The following NOM1 variants were observed in gnomAD, a reference collection of about 807,000 sequenced individuals.
The protein encoded by NOM1 is nucleolar MIF4G domain-containing protein 1.
A neutral mutation model predicts 73.3 loss-of-function variants in NOM1; 58 were observed. The ratio of observed to expected loss-of-function variants is 0.79; its 90% CI spans 0.64 to 0.99. The LOEUF is 0.99. Ranked by LOEUF, NOM1 falls within the 50% of genes least tolerant of loss-of-function variation. The pLI, the probability that NOM1 is intolerant of heterozygous loss-of-function variation, is 0.00. For missense variants in NOM1, 1,226 were observed against 1,131.9 expected, an observed-to-expected ratio of 1.08 and a Z score of -1.19; for synonymous variants, 487 against 446.8, an observed-to-expected ratio of 1.09 and a Z score of -1.14.
intron 6 of NOM1, 165 bp from the exon 7 acceptor site, chr7:156,963,740 T>C (rs1282045664): frequency 3.1e-6 from 2 of 643,970 alleles, no homozygotes; most frequent in Non-Finnish European, 5.0e-6. Context: ...CTTCACTATG[T>C]GTTCCCCTTG....
intron 3 of NOM1, among the ~76,000 whole-genome samples, chr7:156,956,192 CAAA>C: frequency 7.2e-6 from 1 of 139,562 alleles, no homozygotes; most frequent in South Asian, 2.3e-4. Flanking sequence ...GACTCAGTCT[CAAA>C]AAAAAAAAAA....
At chr7:156,952,279 C>A (rs1804613059) in intron 1 of NOM1, among the ~76,000 whole-genome samples, 195 bp from the exon 2 acceptor site, 1 of 152,166 alleles carries the variant, frequency 6.6e-6, no homozygotes, top group Non-Finnish European at 1.5e-5. Flanking sequence ...GGAATAGTGA[C>A]AGGCACAGCC....
At position 156,966,958 on chromosome 7, in the gene NOM1, T is replaced by C. The variant is rs182314476; in HGVS notation, c.2167-3T>C. The stretch of plus-strand genomic sequence containing the variant: ...TTTTTTCTCCTTTTAACTATGATAC[T>C]AGATGACTTTCCAGTTCAGCATATG... On this transcript the variant is annotated splice_polypyrimidine_tract_variant and splice_region_variant and intron_variant, in intron 8 of 10. Transcript: ENST00000275820. The C allele has an allele frequency of 6.1e-4, 989 of 1,611,458 alleles. No homozygotes were observed. Among genetic ancestry groups the C allele is most frequent in the Admixed American group, 1.0e-3 (61 of 59,448 alleles).
At position 156,971,951 on chromosome 7, in the gene NOM1, T is replaced by A. The variant is rs902376043; in HGVS notation, c.*2248T>A. On this transcript the variant is annotated 3_prime_UTR_variant, in exon 11 of 11. Transcript: ENST00000275820. ...GAGAAGAGTGAATTAAGTGAAAATC[T>A]TCCCTTTGTTAAGGAGCTTTTTAAC... The A allele has an allele frequency of 6.6e-6, 1 of 152,232 alleles. No homozygotes were observed. The highest frequency in any genetic ancestry group is 2.4e-5 in the African/African-American group (1 of 41,474). 9.4% of individuals were successfully genotyped at this position (152,232 alleles called of 1,614,324 possible).
intron 8 of NOM1, 125 bp downstream of exon 8, chr7:156,966,527 T>C: frequency 8.7e-7 from 1 of 1,150,814 alleles, no homozygotes; most frequent in Non-Finnish European, 1.2e-6. Flanking sequence ...CGTCACCTGG[T>C]CCACGCTGGC....
chr7:156,968,236 C>T (rs1367333345), intron 9 of NOM1, among the ~76,000 whole-genome samples: 1 of 152,162 alleles, frequency 6.6e-6, no homozygotes, highest in Non-Finnish European at 1.5e-5. Flanking sequence ...CCAGGCATTG[C>T]GCTCATCCTG....
At chr7:156,964,286 G>A in intron 7 of NOM1, 1 of 217,198 alleles carries the variant, frequency 4.6e-6, no homozygotes, top group Non-Finnish European at 9.2e-6. Context: ...TTTTTTTTGA[G>A]ACAGGGTCTT....
At chr7:156,963,587 C>T in intron 6 of NOM1, 1 of 364,388 alleles carries the variant, frequency 2.7e-6, no homozygotes, top group South Asian at 3.5e-5. Flanking sequence ...CTTCCCTGTC[C>T]CAGATTCTGT....
At chr7:156,959,759 T>C in intron 3 of NOM1, 92 bp from the exon 4 acceptor site, 2 of 1,268,904 alleles carry the variant, frequency 1.6e-6, no homozygotes, top group South Asian at 2.6e-5. Context: ...TTGTGGCACT[T>C]TGTTAATTTA....
chr7:156,969,863 T>C lies in NOM1; in HGVS notation c.*160T>C. 3.0e-6 allele frequency: 2 copies of C among 668,956 alleles called. No homozygotes were observed. Among genetic ancestry groups the C allele is most frequent in the Non-Finnish European group, 4.5e-6 (2 of 444,026 alleles). 41.4% of individuals were successfully genotyped at this position (668,956 alleles called of 1,614,324 possible). A position where few individuals can be genotyped will look rare whatever the true frequency, so the allele number is the denominator to read the frequency against. ...TTTTTTTTGATCTAAGGTTTTATTG[T>C]TTGTATTTCAAGCCATTTTCAAATA... On this transcript the variant is annotated 3_prime_UTR_variant, in exon 11 of 11. Coordinates refer to ENST00000275820, the MANE Select transcript of NOM1 (RefSeq NM_138400.2).
rs1805095481 is a variant in NOM1 at position 156,969,669 on chromosome 7, A to G, written c.2549A>G (p.Lys850Arg). 2 of 1,612,730 alleles carry G rather than the reference A, an allele frequency of 1.2e-6. No homozygotes were observed. Among genetic ancestry groups the G allele is most frequent in the Admixed American group, 1.7e-5 (1 of 59,942 alleles). ...VLREKADLATKCLQGKASLRM is the reference protein window; with the variant it reads ...VLREKADLATRCLQGKASLRM ...AGAGAGAAAGCTGACCTTGCAACGA[A>G]GTGTCTGCAAGGAAAAGCTTCCCTG... is the stretch of plus-strand genomic sequence containing the variant. The change falls in exon 11 of 11, where the codon AAG (lysine) becomes AGG (arginine). Residue 850 changes from lysine (K) to arginine (R), a missense_variant. Physicochemically the swap from Lys to Arg is conservative, Grantham distance 26. Transcript: ENST00000275820.
At chr7:156,968,440 G>A (rs1472510401) in intron 9 of NOM1, among the ~76,000 whole-genome samples, 7 of 152,072 alleles carry the variant, frequency 4.6e-5, no homozygotes, top group Non-Finnish European at 7.4e-5. Context: ...GTGTTTGGCT[G>A]CGCACCTCCC....
At chr7:156,968,627 G>T (rs1465824506) in intron 9 of NOM1, 1 of 134,250 alleles carries the variant, frequency 7.4e-6, no homozygotes, top group Non-Finnish European at 1.6e-5. Context: ...GTTTATTTCT[G>T]ATTTTTTGAT....
chr7:156,961,090 G>A (rs889593944), intron 4 of NOM1, among the ~76,000 whole-genome samples: 1 of 152,180 alleles, frequency 6.6e-6, no homozygotes, highest in African/African-American at 2.4e-5. Context: ...CTCGTAGAGG[G>A]GGTCCTGGGA....
rs541960459 is a variant in NOM1 at position 156,971,361 on chromosome 7, C to T, written c.*1658C>T. 4 of 152,342 alleles carry T rather than the reference C, an allele frequency of 2.6e-5. No individual in the cohort carries two copies. The highest frequency in any genetic ancestry group is 7.2e-5 in the African/African-American group (3 of 41,560). The allele number at this position is 152,342 out of a possible 1,614,324, so 9.4% of individuals were successfully genotyped here. ...GGTGATGCCTCTCCTGGGCAAAACG[C>T]CCCATTTGTGGCACTTTCAGATACT... is the stretch of plus-strand genomic sequence containing the variant. On this transcript the variant is annotated 3_prime_UTR_variant, in exon 11 of 11. Transcript: ENST00000275820.
At chr7:156,962,445 T>G (rs1412162322) in intron 5 of NOM1, among the ~76,000 whole-genome samples, 184 bp downstream of exon 5, 1 of 152,210 alleles carries the variant, frequency 6.6e-6, no homozygotes, top group African/African-American at 2.4e-5. Flanking sequence ...CTGGGCGTGC[T>G]CGTGCAGAAT....
At position 156,959,953 on chromosome 7, in the gene NOM1, C is replaced by T. The variant is rs768601907; in HGVS notation, c.1411C>T (p.His471Tyr). 8 of 1,613,428 alleles carry T rather than the reference C, an allele frequency of 5.0e-6. No individual in the cohort carries two copies. Among genetic ancestry groups the T allele is most frequent in the Non-Finnish European group, 5.9e-6 (7 of 1,179,720 alleles). ...TGACAACCTGTTCACCGTCATTGCC[C>T]ATTTATACAACTTCCACGTGGTACA... ...ECDNLFTVIA[H>Y]LYNFHVVQSL... The change falls in exon 4 of 11, where the codon CAT (histidine) becomes TAT (tyrosine). Residue 471 changes from histidine to tyrosine, a missense_variant. Coordinates refer to ENST00000275820, the MANE Select transcript of NOM1 (RefSeq NM_138400.2).
chr7:156,960,227 G>T (rs755629569), intron 4 of NOM1, 53 bp downstream of exon 4: 21 of 1,446,902 alleles, frequency 1.5e-5, no homozygotes, highest in Non-Finnish European at 2.0e-5. Flanking sequence ...TCACAAACTG[G>T]CCAGAACCTA....
chr7:156,961,971 T>C (rs1336777292), intron 4 of NOM1, among the ~76,000 whole-genome samples, 180 bp from the exon 5 acceptor site: 1 of 152,120 alleles, frequency 6.6e-6, no homozygotes, highest in East Asian at 1.9e-4. Flanking sequence ...TGAAGTATTA[T>C]GTAGCCCTGA....
Sources: gnomAD v4.1 joint callset for allele counts (sites outside exome capture counted in the v4.1 genomes callset) on GRCh38, gnomAD v4.1.1 for gene constraint, MANE v1.5 for transcripts, NCBI Gene and HGNC (gene_info 2026-07-23, HGNC 2026-07-21) for gene names.